ACER3: variants seen among roughly 807,000 people sequenced by gnomAD.
ACER3 encodes the protein alkCDase 3.
In ACER3, 16 loss-of-function variants were observed where a neutral mutation model predicts 48.9. That is an observed-to-expected ratio of 0.33 (90% CI 0.22 to 0.50). The LOEUF is 0.50. ACER3 is among the 20% of genes least tolerant of loss of function. The probability of loss-of-function intolerance (pLI) is 0.98; values close to 1 mark genes in which losing one functional copy is unlikely to be tolerated. For missense variants in ACER3, 227 were observed against 326.0 expected (o/e 0.70, Z 2.34); for synonymous variants, 109 against 107.8 (o/e 1.01, Z -0.07).
At chr11:76,912,448 A>G (rs939728970) in intron 1 of ACER3, among the ~76,000 whole-genome samples, 2 of 152,284 alleles carry the variant, frequency 1.3e-5, no homozygotes, top group East Asian at 1.9e-4. Flanking sequence ...TGTTCATAAT[A>G]TTGCTTTTTT....
intron 4 of ACER3, among the ~76,000 whole-genome samples, chr11:76,977,352 C>A (rs1448040309): frequency 6.6e-6 from 1 of 152,112 alleles, no homozygotes; most frequent in Non-Finnish European, 1.5e-5. Context: ...AGAAGTGAGA[C>A]CCTTCCTGTA....
At chr11:76,973,413 G>A (rs575365423) in intron 3 of ACER3, among the ~76,000 whole-genome samples, 28 of 152,190 alleles carry the variant, frequency 1.8e-4, no homozygotes, top group African/African-American at 3.9e-4. Context: ...CCTCAGTGGC[G>A]GTCAGACTTT....
chr11:77,012,024 A>G lies in ACER3; in HGVS notation c.498-2992A>G, dbSNP rs535422300. 8.5e-5 allele frequency among the ~76,000 whole-genome samples: 13 copies of G among 152,240 alleles called. No homozygotes were observed. The South Asian group carries it at 2.5e-3, about 29-fold the overall frequency. On this transcript the variant is annotated intron_variant, in intron 7 of 10. Coordinates refer to ENST00000532485, the MANE Select transcript of ACER3 (RefSeq NM_018367.7). ...AATCAAGAATAAAACTAGAATATAT[A>G]ATTACTTCTATTCAACATTATACTG...
intron 1 of ACER3, among the ~76,000 whole-genome samples, chr11:76,919,241 T>C (rs12223477): frequency 0.39 from 59,806 of 152,110 alleles, 14,743 homozygotes; most frequent in Non-Finnish European, 0.56. Context: ...AGCCAAATGT[T>C]GGAAAACCGT....
chr11:76,932,051 C>T (rs1175125648), intron 2 of ACER3, among the ~76,000 whole-genome samples: 7 of 151,552 alleles, frequency 4.6e-5, no homozygotes, highest in Admixed American at 6.6e-5. Context: ...CAGGTGCAAG[C>T]GATCCTCCTA....
chr11:76,958,513 T>A (rs986056079), intron 2 of ACER3, among the ~76,000 whole-genome samples: 1 of 152,144 alleles, frequency 6.6e-6, no homozygotes, highest in East Asian at 1.9e-4. Context: ...TAAGTCTACT[T>A]TAAGCATTTT....
chr11:76,877,447 G>C (rs1307170044), intron 1 of ACER3, among the ~76,000 whole-genome samples: 2 of 152,084 alleles, frequency 1.3e-5, no homozygotes, highest in East Asian at 3.9e-4. Context: ...TTCTAGATAA[G>C]ATACTTTTCC....
At chr11:76,938,078 A>C (rs748715708) in intron 2 of ACER3, among the ~76,000 whole-genome samples, 1 of 152,114 alleles carries the variant, frequency 6.6e-6, no homozygotes, top group Non-Finnish European at 1.5e-5. Context: ...GCAGTGGTGC[A>C]ATCACGGCTC....
chr11:76,964,395 C>T lies in ACER3; in HGVS notation c.267+5364C>T, dbSNP rs1015906648. Among the ~76,000 whole-genome samples, 9 of 151,408 alleles carry T rather than the reference C, an allele frequency of 5.9e-5. 1 individual carries two copies. The highest frequency in any genetic ancestry group is 2.2e-4 in the African/African-American group (9 of 40,672). On this transcript the variant is annotated intron_variant, in intron 3 of 10. Transcript: ENST00000532485. ...AGGCTCCACCTCTGGGGGCAGGGAA[C>T]AGACAAACAAAAGGCAGCAGTAACC...
intron 2 of ACER3, among the ~76,000 whole-genome samples, chr11:76,943,826 T>A (rs1324219876): frequency 6.6e-6 from 1 of 151,280 alleles, no homozygotes; most frequent in African/African-American, 2.4e-5. Flanking sequence ...TGAATTTGGG[T>A]GCTCTGATGT....
intron 2 of ACER3, among the ~76,000 whole-genome samples, chr11:76,954,051 G>A (rs1947765571): frequency 1.3e-5 from 2 of 151,286 alleles, no homozygotes; most frequent in Non-Finnish European, 1.5e-5. Context: ...AGGTTCAAGC[G>A]ATTCTCCTGC....
chr11:76,920,083 T>C (rs529135031), intron 1 of ACER3, among the ~76,000 whole-genome samples: 1 of 152,328 alleles, frequency 6.6e-6, no homozygotes, highest in East Asian at 1.9e-4. Flanking sequence ...TTTTCCTTCC[T>C]GGTTCTGGTG....
chr11:77,011,734 T>G (rs1949268013), intron 7 of ACER3, among the ~76,000 whole-genome samples: 1 of 152,178 alleles, frequency 6.6e-6, no homozygotes, highest in African/African-American at 2.4e-5. Context: ...TTGAAAAATT[T>G]ATTATTGCCA....
At position 76,966,020 on chromosome 11, in the gene ACER3, G is replaced by T. The variant is rs1948128646; in HGVS notation, c.267+6989G>T. 2.0e-5 allele frequency among the ~76,000 whole-genome samples: 3 copies of T among 150,908 alleles called. No individual in the cohort carries two copies. In the South Asian group the frequency reaches 6.3e-4, roughly 31 times the overall value. On this transcript the variant is annotated intron_variant, in intron 3 of 10. Transcript: ENST00000532485. Reference sequence around the variant, plus strand: ...TTAAAAGACACAGGCTGGCAAATTGGATAAAGAGTCAAGACCCATCAGTGT... The same window carrying T: ...TTAAAAGACACAGGCTGGCAAATTGTATAAAGAGTCAAGACCCATCAGTGT...
At chr11:76,895,678 C>A (rs1263934375) in intron 1 of ACER3, among the ~76,000 whole-genome samples, 1 of 151,972 alleles carries the variant, frequency 6.6e-6, no homozygotes, top group Non-Finnish European at 1.5e-5. Flanking sequence ...ACCGAAGCAC[C>A]CTTAAGGGCA....
At chr11:76,866,658 A>G (rs776569163) in intron 1 of ACER3, among the ~76,000 whole-genome samples, 12 of 152,232 alleles carry the variant, frequency 7.9e-5, no homozygotes, top group Non-Finnish European at 1.6e-4. Flanking sequence ...TGAAGACTGT[A>G]TTTCTAATCC....
chr11:76,882,816 T>C (rs1407753050), intron 1 of ACER3, among the ~76,000 whole-genome samples: 1 of 152,256 alleles, frequency 6.6e-6, no homozygotes. Context: ...TTGAACTGTA[T>C]GTACACTCTT....
intron 4 of ACER3, among the ~76,000 whole-genome samples, chr11:76,984,613 C>T (rs1010061137): frequency 5.3e-5 from 8 of 152,286 alleles, no homozygotes; most frequent in Middle Eastern, 3.4e-3. Flanking sequence ...TTACCGGATA[C>T]CTCCTATGTG....
intron 2 of ACER3, among the ~76,000 whole-genome samples, chr11:76,931,556 A>T (rs192951784): frequency 6.6e-6 from 1 of 152,296 alleles, no homozygotes. Flanking sequence ...GTTTCTTCCT[A>T]GCATTGATGG....
Sources: gnomAD v4.1 joint callset for allele counts (sites outside exome capture counted in the v4.1 genomes callset) on GRCh38, gnomAD v4.1.1 for gene constraint, MANE v1.5 for transcripts, NCBI Gene and HGNC (gene_info 2026-07-23, HGNC 2026-07-21) for gene names.